ACADM: variants seen among roughly 807,000 people sequenced by gnomAD.
ACADM encodes the protein medium-chain specific acyl-CoA dehydrogenase, mitochondrial.
Under a neutral mutation model 58.9 loss-of-function variants are expected in ACADM, and 49 were observed. The ratio of observed to expected loss-of-function variants is 0.83; its 90% CI spans 0.66 to 1.06. ACADM has a LOEUF of 1.06. Ranked by LOEUF, ACADM falls within the 50% of genes least tolerant of loss-of-function variation. The pLI is 0.00. For synonymous variants in ACADM, 160 were observed against 157.7 expected, an observed-to-expected ratio of 1.01 and a Z score of -0.11; for missense variants, 496 against 507.0, an observed-to-expected ratio of 0.98 and a Z score of 0.21.
chr1:75,746,057 A>G (rs2100409072), intron 8 of ACADM, 143 bp downstream of exon 8: 1 of 669,730 alleles, frequency 1.5e-6, no homozygotes, highest in Non-Finnish European at 2.6e-6. Context: ...ATTAGATCAA[A>G]TAGTCTATAT....
chr1:75,738,976 C>T (rs948939011), intron 6 of ACADM, among the ~76,000 whole-genome samples: 4 of 152,170 alleles, frequency 2.6e-5, no homozygotes, highest in Admixed American at 2.0e-4. Flanking sequence ...AAAAGATTCT[C>T]GTCGACCATT....
At chr1:75,737,311 T>TATATATAC (rs1557448511) in intron 6 of ACADM, among the ~76,000 whole-genome samples, 31 of 101,306 alleles carry the variant, frequency 3.1e-4, no homozygotes, top group Non-Finnish European at 5.5e-4. Context: ...TATATATATA[T>TATATATAC]ATATATATAT....
Position 75,731,278 on chromosome 1 carries a change from C to CAA in ACADM, c.119-1340_119-1339dup, listed in dbSNP as rs56885972. Among the ~76,000 whole-genome samples the CAA allele has an allele frequency of 2.1e-3, 135 of 64,918 alleles. 3 individuals are homozygous for CAA. The highest frequency in any genetic ancestry group is 6.4e-3 in the African/African-American group (106 of 16,536). The allele number at this position is 64,918 out of a possible 152,430, so 42.6% of individuals were successfully genotyped here. The stretch of plus-strand genomic sequence containing the variant: ...TGGGCGACAGAGCGAGACTCCGTCT[C>CAA]AAAAAAAAAAAAAAAAAAAAAAAAA... On this transcript the variant is annotated intron_variant, in intron 2 of 11. Transcript: ENST00000370841.
rs1443559959 is a variant in ACADM at position 75,757,422 on chromosome 1, A to G, written c.946-3700A>G. ...ATATGAACAGACACTTCTCAAAAGAAGACATTTATGCATCCAACAGACACA... is the reference window on the plus strand; with the variant it reads ...ATATGAACAGACACTTCTCAAAAGAGGACATTTATGCATCCAACAGACACA... On this transcript the variant is annotated intron_variant, in intron 10 of 11. Transcript: ENST00000370841. Among the ~76,000 whole-genome samples, 4 of 152,250 alleles carry G rather than the reference A, an allele frequency of 2.6e-5. No individual in the cohort carries two copies. In the East Asian group the frequency reaches 7.7e-4, roughly 29 times the overall value.
intron 7 of ACADM, chr1:75,744,260 C>T (rs1339769776): frequency 6.2e-6 from 10 of 1,611,902 alleles, no homozygotes; most frequent in Non-Finnish European, 8.5e-6. Flanking sequence ...TGGGGAGGAA[C>T]TGCCGCTGCT....
At chr1:75,759,656 C>CTTTTTTTTT (rs34394777) in intron 10 of ACADM, among the ~76,000 whole-genome samples, 2 of 87,570 alleles carry the variant, frequency 2.3e-5, no homozygotes, top group African/African-American at 4.2e-5. Flanking sequence ...TAGCAACTTT[C>CTTTTTTTTT]TTTTTTTTTT....
intron 5 of ACADM, 147 bp downstream of exon 5, chr1:75,733,775 A>T (rs1647191689): frequency 1.5e-6 from 1 of 688,240 alleles, no homozygotes; most frequent in Non-Finnish European, 2.6e-6. Flanking sequence ...TTCTTTAAAG[A>T]GGAACACAAG....
chr1:75,737,310 A>ATATATG (rs1647319283), intron 6 of ACADM, among the ~76,000 whole-genome samples: 1 of 109,480 alleles, frequency 9.1e-6, no homozygotes, highest in Non-Finnish European at 2.0e-5. Context: ...ATATATATAT[A>ATATATG]TATATATATA....
intron 7 of ACADM, among the ~76,000 whole-genome samples, chr1:75,742,488 C>T (rs1408592081): frequency 6.6e-6 from 1 of 152,200 alleles, no homozygotes; most frequent in Non-Finnish European, 1.5e-5. Flanking sequence ...CACGGGCTTA[C>T]AGCAACTTAC....
intron 6 of ACADM, 102 bp from the exon 7 acceptor site, chr1:75,739,878 T>C: frequency 1.2e-6 from 1 of 826,122 alleles, no homozygotes. Flanking sequence ...TATTTAAAAA[T>C]ATTTAAAATA....
intron 10 of ACADM, among the ~76,000 whole-genome samples, chr1:75,753,133 A>C (rs10873685): frequency 0.25 from 37,807 of 152,126 alleles, 5,014 homozygotes; most frequent in Non-Finnish European, 0.31. Flanking sequence ...CCTCCTGGGC[A>C]AGAGATCAGC....
At chr1:75,743,698 G>T in intron 7 of ACADM, 1 of 1,485,928 alleles carries the variant, frequency 6.7e-7, no homozygotes, top group Non-Finnish European at 9.4e-7. Context: ...ATCTTCAATG[G>T]CAAATTCATT....
Position 75,744,335 on chromosome 1 carries a change from C to T in ACADM, c.600-1471C>T. On this transcript the variant is annotated intron_variant, in intron 7 of 11. Coordinates refer to ENST00000370841, the MANE Select transcript of ACADM (RefSeq NM_000016.6). ...GCCGGCTTGGCCTTAGCAGGAGCAG[C>T]ACCAGTTTTCCTGAGTGTGAAAAGC... 9 of 1,611,532 alleles carry T rather than the reference C, an allele frequency of 5.6e-6. No homozygotes were observed. In the South Asian group the frequency reaches 7.7e-5, roughly 14 times the overall value.
chr1:75,734,779 T>A lies in ACADM; in HGVS notation c.388-12T>A, dbSNP rs2100370372. ...AATGACTTGATTTTTTAATGTCAAT[T>A]TTCTTCGGTAGCAAATGCCTATTAT... On this transcript the variant is annotated splice_polypyrimidine_tract_variant and intron_variant, in intron 5 of 11. Transcript: ENST00000370841. 2 of 1,604,682 alleles carry A rather than the reference T, an allele frequency of 1.2e-6. No homozygotes were observed. Among genetic ancestry groups the A allele is most frequent in the Middle Eastern group, 3.4e-4 (2 of 5,952 alleles).
intron 8 of ACADM, among the ~76,000 whole-genome samples, chr1:75,748,654 A>G (rs1648028649): frequency 6.6e-6 from 1 of 152,216 alleles, no homozygotes; most frequent in African/African-American, 2.4e-5. Flanking sequence ...CTTAAATGAC[A>G]TTCTGGAAAA....
In ACADM at chr1:75,762,724, T is replaced by G. The variant is rs2100456877; in HGVS notation, c.1227T>G (p.Leu409=). Residue 409 remains leucine, a synonymous_variant, in exon 12 of 12, where the codon CTT becomes CTG. Coordinates refer to ENST00000370841, the MANE Select transcript of ACADM (RefSeq NM_000016.6). ...IYEGTSQIQR[L]IVAREHIDKY... is the part of the protein sequence containing the mutation. ...AAGGTACTTCACAAATTCAAAGACT[T>G]ATTGTAGCCCGTGAACACATTGACA... 15 of 1,608,504 alleles carry G rather than the reference T, an allele frequency of 9.3e-6. No individual in the cohort carries two copies. The highest frequency in any genetic ancestry group is 1.3e-5 in the African/African-American group (1 of 74,906).
At chr1:75,725,417 G>GTTA (rs59509816) in intron 1 of ACADM, among the ~76,000 whole-genome samples, 2,893 of 152,250 alleles carry the variant, frequency 0.019, 94 homozygotes, top group African/African-American at 0.066. Context: ...TTAAGTTAAA[G>GTTA]TTATGTCTTG....
intron 10 of ACADM, among the ~76,000 whole-genome samples, chr1:75,754,464 C>A (rs542818870): frequency 1.3e-5 from 2 of 152,234 alleles, no homozygotes; most frequent in African/African-American, 4.8e-5. Context: ...CCCACCTTGG[C>A]CTCCCAGTGT....
rs1455766118 is a variant in ACADM at position 75,728,518 on chromosome 1, A to C, written c.118+30A>C. ...ATGTTCGGTTCTATCTTTTGACTTT[A>C]AACTTATACATATGAAGCTTTATAT... On this transcript the variant is annotated intron_variant, in intron 2 of 11. Coordinates refer to ENST00000370841, the MANE Select transcript of ACADM (RefSeq NM_000016.6). 5.4e-6 allele frequency: 8 copies of C among 1,470,512 alleles called. No individual in the cohort carries two copies. In the East Asian group the frequency reaches 1.8e-4, roughly 34 times the overall value. The allele number at this position is 1,470,512 out of a possible 1,614,324, so 91.1% of individuals were successfully genotyped here.
Sources: allele counts gnomAD v4.1 joint callset (sites outside exome capture counted in the v4.1 genomes callset), GRCh38; gene constraint gnomAD v4.1.1; transcripts MANE v1.5; gene names NCBI Gene and HGNC (gene_info 2026-07-23, HGNC 2026-07-21).